BBX: variants seen among roughly 807,000 people sequenced by gnomAD.
The protein encoded by BBX is BBX high mobility group box domain containing, also known as HMG box transcription factor BBX.
A neutral mutation model predicts 100.2 loss-of-function variants in BBX; 30 were observed. That is an observed-to-expected ratio of 0.30 (90% CI 0.22 to 0.41). BBX has a LOEUF of 0.41. Among genes scored for constraint, BBX ranks in the 10% least tolerant of loss-of-function variants. BBX has a pLI of 1.00. For missense variants in BBX, 1,023 were observed against 1,129.8 expected, an observed-to-expected ratio of 0.91 and a Z score of 1.35; for synonymous variants, 376 against 388.1, an observed-to-expected ratio of 0.97 and a Z score of 0.37.
intron 9 of BBX, among the ~76,000 whole-genome samples, chr3:107,749,794 C>T (rs756348770): frequency 7.2e-5 from 11 of 151,980 alleles, no homozygotes; most frequent in Non-Finnish European, 1.5e-4. Context: ...CCACCACGCC[C>T]GGCTAATTTT....
chr3:107,562,214 G>A lies in BBX; in HGVS notation c.-84+35816G>A, dbSNP rs542271108. Among the ~76,000 whole-genome samples, 10 of 152,180 alleles carry A rather than the reference G, an allele frequency of 6.6e-5. No individual in the cohort carries two copies. In the South Asian group the frequency reaches 8.3e-4, roughly 13 times the overall value. On this transcript the variant is annotated intron_variant, in intron 2 of 17. Transcript: ENST00000325805. ...CGATTACATTCAAATAAACACACAT[G>A]GGATCCCTTATGAGCGTGAACCCAT...
chr3:107,523,987 G>A (rs949323261), intron 1 of BBX: 1 of 151,882 alleles, frequency 6.6e-6, no homozygotes, highest in Non-Finnish European at 1.5e-5. Context: ...GGGAGGGAAG[G>A]GGGGGGAGAG....
chr3:107,626,715 C>G (rs910461447), intron 2 of BBX, among the ~76,000 whole-genome samples: 1 of 148,686 alleles, frequency 6.7e-6, no homozygotes. Context: ...AGTGCAGTAG[C>G]ATGTTCTCAG....
intron 3 of BBX, among the ~76,000 whole-genome samples, chr3:107,648,661 C>T (rs568502529): frequency 3.9e-5 from 6 of 151,996 alleles, no homozygotes; most frequent in African/African-American, 9.7e-5. Flanking sequence ...CAGTTGCATC[C>T]GGGAGTTTTC....
At chr3:107,765,752 G>A (rs540178132) in intron 10 of BBX, among the ~76,000 whole-genome samples, 1 of 152,262 alleles carries the variant, frequency 6.6e-6, no homozygotes, top group African/African-American at 2.4e-5. Context: ...CCTCCAGTAG[G>A]CGGCACTGGC....
At chr3:107,634,059 G>T (rs149050199) in intron 2 of BBX, among the ~76,000 whole-genome samples, 31 of 152,240 alleles carry the variant, frequency 2.0e-4, no homozygotes, top group African/African-American at 7.5e-4. Flanking sequence ...TTCAGTTAAG[G>T]TAGGCATCCC....
chr3:107,690,890 C>G (rs917354048), intron 3 of BBX, among the ~76,000 whole-genome samples: 4 of 80,938 alleles, frequency 4.9e-5, no homozygotes, highest in South Asian at 1.9e-3. Context: ...ATGCCCCCCC[C>G]CCTTTTTTTT....
intron 7 of BBX, among the ~76,000 whole-genome samples, chr3:107,742,033 T>C (rs2107593859): frequency 6.6e-6 from 1 of 152,290 alleles, no homozygotes. Flanking sequence ...CCAGAAGAAA[T>C]ATGTCTAACC....
chr3:107,693,330 A>T (rs572108333), intron 3 of BBX, among the ~76,000 whole-genome samples: 3 of 151,778 alleles, frequency 2.0e-5, no homozygotes, highest in African/African-American at 4.9e-5. Flanking sequence ...TTATGGTTTT[A>T]GGTCTAACGT....
intron 3 of BBX, among the ~76,000 whole-genome samples, chr3:107,674,267 C>G (rs1046298923): frequency 6.6e-6 from 1 of 152,074 alleles, no homozygotes. Flanking sequence ...TTAGTAAGTA[C>G]CGTAACGCCT....
At chr3:107,761,692 A>T (rs559123069) in intron 10 of BBX, among the ~76,000 whole-genome samples, 1 of 152,188 alleles carries the variant, frequency 6.6e-6, no homozygotes, top group Admixed American at 6.5e-5. Context: ...GAGCTGAAAG[A>T]TGCTGAGGGT....
chr3:107,643,460 A>G (rs2057336806), intron 2 of BBX, among the ~76,000 whole-genome samples: 1 of 152,014 alleles, frequency 6.6e-6, no homozygotes, highest in African/African-American at 2.4e-5. Flanking sequence ...AAAGGGAAAG[A>G]CAAGTTCCTA....
intron 3 of BBX, among the ~76,000 whole-genome samples, chr3:107,698,152 G>A (rs191485299): frequency 2.6e-5 from 4 of 151,840 alleles, no homozygotes; most frequent in Non-Finnish European, 4.4e-5. Context: ...GAAATCACCC[G>A]TCTTCTGGGT....
At chr3:107,790,700 C>T (rs946583095) in intron 14 of BBX, among the ~76,000 whole-genome samples, 3 of 152,170 alleles carry the variant, frequency 2.0e-5, no homozygotes, top group African/African-American at 7.2e-5. Flanking sequence ...ACCAACTCAT[C>T]CGGTGCCCAT....
chr3:107,781,966 A>G (rs1181414113), intron 13 of BBX, among the ~76,000 whole-genome samples: 1 of 151,946 alleles, frequency 6.6e-6, no homozygotes, highest in African/African-American at 2.4e-5. Flanking sequence ...AGCCAATAGT[A>G]CTTTCAGTCT....
chr3:107,579,085 T>G (rs1467601881), intron 2 of BBX, among the ~76,000 whole-genome samples: 1 of 152,192 alleles, frequency 6.6e-6, no homozygotes, highest in Non-Finnish European at 1.5e-5. Flanking sequence ...TCAGAAGAGA[T>G]GCATGTCTCA....
intron 3 of BBX, among the ~76,000 whole-genome samples, chr3:107,701,562 C>T (rs957982977): frequency 1.3e-5 from 2 of 152,186 alleles, no homozygotes; most frequent in Non-Finnish European, 2.9e-5. Context: ...CAAATATTAG[C>T]TTCACCAATT....
chr3:107,678,637 T>C (rs894166023), intron 3 of BBX, among the ~76,000 whole-genome samples: 1 of 151,990 alleles, frequency 6.6e-6, no homozygotes, highest in Non-Finnish European at 1.5e-5. Context: ...GGTGGGAAGA[T>C]CACTTGAGCC....
chr3:107,722,536 C>T (rs867930622), intron 5 of BBX, among the ~76,000 whole-genome samples: 1 of 151,916 alleles, frequency 6.6e-6, no homozygotes, highest in African/African-American at 2.4e-5. Context: ...ATGAAGTAGC[C>T]AGTTTCCTTG....
Sources: gnomAD v4.1 joint callset for allele counts (sites outside exome capture counted in the v4.1 genomes callset) on GRCh38, gnomAD v4.1.1 for gene constraint, MANE v1.5 for transcripts, NCBI Gene and HGNC (gene_info 2026-07-23, HGNC 2026-07-21) for gene names.